Variants in CCDC171 observed in about 807,000 individuals in gnomAD.
The protein encoded by CCDC171 is coiled-coil domain containing 171, also known as coiled-coil domain-containing protein 171.
CCDC171 carries 177 observed loss-of-function variants against 168.2 expected under a neutral mutation model. The observed-to-expected ratio is 1.05, with a 90% CI of 0.93 to 1.19. CCDC171 has a LOEUF of 1.19. CCDC171 is among the 50% of genes most tolerant of loss of function. CCDC171 has a pLI of 0.00. For synonymous variants in CCDC171, 687 were observed against 540.8 expected (o/e 1.27, Z -3.75); for missense variants, 1,991 against 1,539.0 (o/e 1.29, Z -4.91).
At chr9:15,936,698 C>T (rs1827160520) in intron 25 of CCDC171, among the ~76,000 whole-genome samples, 1 of 152,064 alleles carries the variant, frequency 6.6e-6, no homozygotes, top group African/African-American at 2.4e-5. Context: ...GCGCTCCAGG[C>T]ATAAGAAATT....
intron 24 of CCDC171, among the ~76,000 whole-genome samples, chr9:15,876,560 T>C (rs758075270): frequency 1.5e-4 from 23 of 152,108 alleles, no homozygotes; most frequent in Non-Finnish European, 2.9e-4. Flanking sequence ...GCTGAATTAA[T>C]AAATCTGATA....
chr9:15,933,828 G>A (rs139004663), intron 25 of CCDC171, among the ~76,000 whole-genome samples: 1 of 151,910 alleles, frequency 6.6e-6, no homozygotes, highest in Non-Finnish European at 1.5e-5. Flanking sequence ...TTAGTAAAAT[G>A]CATACCAATA....
intron 18 of CCDC171, among the ~76,000 whole-genome samples, chr9:15,761,868 G>A (rs1262322445): frequency 7.5e-6 from 1 of 132,818 alleles, no homozygotes; most frequent in African/African-American, 2.4e-5. Flanking sequence ...AAAAGTATAA[G>A]CATGTAGAAA....
intron 21 of CCDC171, among the ~76,000 whole-genome samples, chr9:15,810,347 C>T (rs906099560): frequency 2.6e-5 from 4 of 152,332 alleles, no homozygotes; most frequent in African/African-American, 4.8e-5. Context: ...TAGTGGATCC[C>T]ATGCCAGGGC....
the CCDC171 span, among the ~76,000 whole-genome samples, chr9:16,088,071 T>G: frequency 1.1e-3 from 164 of 152,246 alleles, 1 homozygote; most frequent in African/African-American, 3.6e-3. Context: ...GTTCAACATA[T>G]GCAAATCAAT....
intron 9 of CCDC171, among the ~76,000 whole-genome samples, chr9:15,668,327 C>G (rs1204503316): frequency 6.6e-6 from 1 of 152,090 alleles, no homozygotes; most frequent in Non-Finnish European, 1.5e-5. Flanking sequence ...ATATACTTTC[C>G]TAATTGGACC....
intron 21 of CCDC171, among the ~76,000 whole-genome samples, chr9:15,822,658 T>G (rs2059834924): frequency 6.6e-6 from 1 of 152,160 alleles, no homozygotes; most frequent in Admixed American, 6.5e-5. Context: ...GCAGTTAGAA[T>G]GGCGATCATT....
chr9:15,788,340 G>A (rs746104218), intron 21 of CCDC171, among the ~76,000 whole-genome samples: 1 of 152,132 alleles, frequency 6.6e-6, no homozygotes. Context: ...TATTTGAAAA[G>A]CAAGTGTATA....
At chr9:16,016,542 G>A (rs1833024153) in intron 3 of CCDC171, among the ~76,000 whole-genome samples, 1 of 152,150 alleles carries the variant, frequency 6.6e-6, no homozygotes, top group African/African-American at 2.4e-5. Context: ...GTCAACTCCC[G>A]AAATGCTTTG....
At chr9:15,668,906 C>A (rs954623721) in intron 9 of CCDC171, among the ~76,000 whole-genome samples, 1 of 151,938 alleles carries the variant, frequency 6.6e-6, no homozygotes, top group South Asian at 2.1e-4. Flanking sequence ...TTAATGTATT[C>A]CAAATAGAGA....
chr9:15,675,187 G>GTTT lies in CCDC171; in HGVS notation c.1077-3552_1077-3550dup, dbSNP rs138989790. 8.6e-3 allele frequency among the ~76,000 whole-genome samples: 650 copies of GTTT among 75,460 alleles called. 47 individuals carry two copies. The highest frequency in any genetic ancestry group is 0.029 in the African/African-American group (514 of 17,734). 49.5% of individuals were successfully genotyped at this position (75,460 alleles called of 152,430 possible). Reference sequence around the variant, plus strand: ...ATCAGAGACTAGGATTGCAACTCCTGTTTTTTTTTTTTTTTTTTTTTGCTT... The same window carrying GTTT: ...ATCAGAGACTAGGATTGCAACTCCTGTTTTTTTTTTTTTTTTTTTTTTTTGCTT... On this transcript the variant is annotated intron_variant, in intron 9 of 25. Coordinates refer to ENST00000380701, the MANE Select transcript of CCDC171 (RefSeq NM_173550.4).
intron 25 of CCDC171, among the ~76,000 whole-genome samples, chr9:15,965,177 GA>G (rs1160709145): frequency 6.6e-6 from 1 of 152,152 alleles, no homozygotes; most frequent in Non-Finnish European, 1.5e-5. Flanking sequence ...TAAGTTCCAT[GA>G]GATCTATGTA....
At chr9:15,706,272 T>C (rs574702317) in intron 11 of CCDC171, among the ~76,000 whole-genome samples, 38 of 149,482 alleles carry the variant, frequency 2.5e-4, no homozygotes, top group African/African-American at 7.8e-4. Flanking sequence ...TTCCTTCCTT[T>C]CTTCCTTCCT....
At chr9:15,687,000 T>A (rs1414235751) in intron 10 of CCDC171, among the ~76,000 whole-genome samples, 3 of 152,214 alleles carry the variant, frequency 2.0e-5, no homozygotes, top group African/African-American at 7.2e-5. Flanking sequence ...ATAGATCATA[T>A]GCTAGGCCAT....
chr9:16,012,172 A>C (rs1832886991), intron 3 of CCDC171, among the ~76,000 whole-genome samples: 1 of 152,158 alleles, frequency 6.6e-6, no homozygotes, highest in Non-Finnish European at 1.5e-5. Flanking sequence ...TTTAAGACTG[A>C]AGGAGTGTGT....
At chr9:15,595,628 T>C (rs1057465606) in intron 6 of CCDC171, among the ~76,000 whole-genome samples, 9 of 152,218 alleles carry the variant, frequency 5.9e-5, no homozygotes, top group Non-Finnish European at 2.9e-5. Flanking sequence ...TGTGTCTTTA[T>C]AGCAACATGA....
At chr9:15,608,944 CAAAAAA>C (rs71491669) in intron 6 of CCDC171, among the ~76,000 whole-genome samples, 4 of 13,724 alleles carry the variant, frequency 2.9e-4, no homozygotes, top group South Asian at 5.8e-3. Flanking sequence ...GACCCTGTCT[CAAAAAA>C]AAAAAAAAAA....
chr9:15,598,449 T>C (rs1178533903), intron 6 of CCDC171, among the ~76,000 whole-genome samples: 1 of 152,154 alleles, frequency 6.6e-6, no homozygotes, highest in Non-Finnish European at 1.5e-5. Context: ...TTCCATGTAG[T>C]TGAGCGGTTT....
chr9:15,830,981 T>C (rs1204642730), intron 21 of CCDC171, among the ~76,000 whole-genome samples: 2 of 148,840 alleles, frequency 1.3e-5, no homozygotes, highest in African/African-American at 4.9e-5. Flanking sequence ...TTTTTTTTTT[T>C]TTTTTTGAGA....
Sources: gnomAD v4.1 joint callset for allele counts (sites outside exome capture counted in the v4.1 genomes callset) on GRCh38, gnomAD v4.1.1 for gene constraint, MANE v1.5 for transcripts, NCBI Gene and HGNC (gene_info 2026-07-23, HGNC 2026-07-21) for gene names.